Variants in INSYN2A observed in about 807,000 individuals in gnomAD.
INSYN2A encodes inhibitory synaptic factor 2A.
Under a neutral mutation model 39.4 loss-of-function variants are expected in INSYN2A, and 17 were observed. The ratio of observed to expected loss-of-function variants is 0.43; its 90% CI spans 0.30 to 0.65. The LOEUF is 0.65. Among genes scored for constraint, INSYN2A ranks in the 30% least tolerant of loss-of-function variants. INSYN2A has a pLI of 0.14. For missense variants in INSYN2A, 595 were observed against 631.2 expected (o/e 0.94, Z 0.61); for synonymous variants, 255 against 265.7 (o/e 0.96, Z 0.39).
intron 5 of INSYN2A, among the ~76,000 whole-genome samples, chr10:127,139,409 C>T (rs2051010647): frequency 1.3e-5 from 2 of 151,978 alleles, no homozygotes; most frequent in Non-Finnish European, 2.9e-5. Flanking sequence ...AAAAAAATTG[C>T]CAGAGAAGTT....
chr10:127,168,914 A>G (rs1169145394), intron 4 of INSYN2A, among the ~76,000 whole-genome samples: 1 of 152,156 alleles, frequency 6.6e-6, no homozygotes, highest in Non-Finnish European at 1.5e-5. Flanking sequence ...TGCAGTATTT[A>G]TTCTGTTTGG....
Position 127,176,082 on chromosome 10 carries a change from A to C in INSYN2A, c.314T>G (p.Val105Gly). 1 of 1,614,032 alleles carries C rather than the reference A, an allele frequency of 6.2e-7. No homozygotes were observed. The highest frequency in any genetic ancestry group is 8.5e-7 in the Non-Finnish European group (1 of 1,180,026). The change falls in exon 4 of 6, where the codon GTG (valine) becomes GGG (glycine). Residue 105 changes from valine to glycine, a missense_variant. By Grantham distance (109) the Val-to-Gly change is moderately radical (BLOSUM62 -3). This residue lies in a region of INSYN2A where 478 missense variants were observed against 467.4 expected (regional missense o/e 1.02). Transcript: ENST00000522781. The surrounding 1 kb of genome is among the most constrained non-coding windows in gnomAD (Gnocchi z 4.4). ...SIPNVTKSTG[V>G]QTSPDLKKCY... is the part of the protein sequence containing the mutation. Reference sequence around the variant, plus strand: ...CTTCTTAAGGTCGGGCGAGGTCTGCACGCCTGTGCTCTTGGTGACGTTGGG... The same window carrying C: ...CTTCTTAAGGTCGGGCGAGGTCTGCCCGCCTGTGCTCTTGGTGACGTTGGG...
rs2055177427 is a variant in INSYN2A, at chr10:127,176,516, AGG to A, written c.-5-118_-5-117del. The A allele has an allele frequency of 1.2e-6, 1 of 850,924 alleles. No individual in the cohort carries two copies. The highest frequency in any genetic ancestry group is 2.6e-5 in the East Asian group (1 of 38,234). The allele number at this position is 850,924 out of a possible 1,614,324, so 52.7% of individuals were successfully genotyped here. ...GCCTGTTTCCTAATTATATTTAAGCAGGTGAGGTCGGCCTTTATGTTAAGGAA... is the reference window on the plus strand; with the variant it reads ...GCCTGTTTCCTAATTATATTTAAGCATGAGGTCGGCCTTTATGTTAAGGAA... On this transcript the variant is annotated intron_variant, in intron 3 of 5. Coordinates refer to ENST00000522781, the MANE Select transcript of INSYN2A (RefSeq NM_001039762.3). The surrounding 1 kb of genome is among the most constrained non-coding windows in gnomAD (Gnocchi z 4.4).
At position 127,195,703 on chromosome 10, in the gene INSYN2A, G is replaced by A. The variant is rs549505883; in HGVS notation, c.-395+294C>T. ...GTCTGTCTGGAACCCACATCGCAGA[G>A]GCGCAGCCCCGCTCCTCCCTGACGT... is the stretch of plus-strand genomic sequence containing the variant. On this transcript the variant is annotated intron_variant, in intron 1 of 5. Coordinates refer to ENST00000522781, the MANE Select transcript of INSYN2A (RefSeq NM_001039762.3). Among the ~76,000 whole-genome samples, 10 of 152,190 alleles carry A rather than the reference G, an allele frequency of 6.6e-5. No homozygotes were observed. The East Asian group carries it at 1.9e-3, about 30-fold the overall frequency.
intron 2 of INSYN2A, among the ~76,000 whole-genome samples, chr10:127,177,393 G>A (rs1017918388): frequency 1.3e-5 from 2 of 152,198 alleles, no homozygotes; most frequent in African/African-American, 2.4e-5. Context: ...TTTATTAGGC[G>A]GATTCACAGC....
intron 1 of INSYN2A, among the ~76,000 whole-genome samples, chr10:127,194,218 G>A (rs574275641): frequency 6.6e-6 from 1 of 152,316 alleles, no homozygotes; most frequent in South Asian, 2.1e-4. Flanking sequence ...CATGCAATTA[G>A]TGATAGCTGT....
chr10:127,175,095 G>T lies in INSYN2A; in HGVS notation c.1184+117C>A. The T allele has an allele frequency of 1.1e-6, 1 of 886,132 alleles. No homozygotes were observed. The highest frequency in any genetic ancestry group is 1.8e-6 in the Non-Finnish European group (1 of 558,596). 54.9% of individuals were successfully genotyped at this position (886,132 alleles called of 1,614,324 possible). A position where few individuals can be genotyped will look rare whatever the true frequency, so the allele number is the denominator to read the frequency against. ...GGAGCTCGCCACGCCCTTAGACTAT[G>T]ACCTGTTTACGGAAATGCTGGCTTT... On this transcript the variant is annotated intron_variant, in intron 4 of 5. Transcript: ENST00000522781. The surrounding 1 kb of genome is among the most constrained non-coding windows in gnomAD (Gnocchi z 6.3).
chr10:127,177,950 A>T (rs1459694711), intron 2 of INSYN2A, among the ~76,000 whole-genome samples: 1 of 152,130 alleles, frequency 6.6e-6, no homozygotes, highest in Non-Finnish European at 1.5e-5. Context: ...CAGGAGCAGG[A>T]CCCTACTTTA....
chr10:127,188,637 G>C (rs1564885766), intron 2 of INSYN2A, among the ~76,000 whole-genome samples: 1 of 152,128 alleles, frequency 6.6e-6, no homozygotes, highest in East Asian at 1.9e-4. Context: ...TACGAACTGG[G>C]GCTTTGAGAC....
intron 5 of INSYN2A, among the ~76,000 whole-genome samples, chr10:127,153,492 G>A (rs2052712598): frequency 6.6e-6 from 1 of 152,160 alleles, no homozygotes; most frequent in East Asian, 1.9e-4. Flanking sequence ...CACATACGGT[G>A]TGCTTTCAAG....
chr10:127,167,202 A>G (rs756659684), intron 4 of INSYN2A, among the ~76,000 whole-genome samples: 4 of 152,242 alleles, frequency 2.6e-5, no homozygotes, highest in Non-Finnish European at 5.9e-5. Context: ...AGAAAATGAT[A>G]GAAAGAATAT....
intron 5 of INSYN2A, among the ~76,000 whole-genome samples, chr10:127,149,715 A>T (rs2052299535): frequency 6.6e-6 from 1 of 152,210 alleles, no homozygotes; most frequent in Admixed American, 6.5e-5. Flanking sequence ...ATGACATTAC[A>T]ATGTGTGAAC....
At chr10:127,184,430 T>C (rs534871136) in intron 2 of INSYN2A, among the ~76,000 whole-genome samples, 41 of 151,254 alleles carry the variant, frequency 2.7e-4, no homozygotes, top group Non-Finnish European at 5.7e-4. Flanking sequence ...GTTCCCACCC[T>C]GATCTTGGCC....
At chr10:127,169,050 A>G (rs1234577103) in intron 4 of INSYN2A, among the ~76,000 whole-genome samples, 1 of 152,166 alleles carries the variant, frequency 6.6e-6, no homozygotes, top group Non-Finnish European at 1.5e-5. Context: ...TCTAGCATCA[A>G]TATTCTAGGT....
At chr10:127,150,435 G>C (rs1192131164) in intron 5 of INSYN2A, among the ~76,000 whole-genome samples, 1 of 152,276 alleles carries the variant, frequency 6.6e-6, no homozygotes, top group Non-Finnish European at 1.5e-5. Flanking sequence ...CCAGTGCTTG[G>C]TAGTCAGATA....
At chr10:127,182,306 A>G (rs1421594706) in intron 2 of INSYN2A, among the ~76,000 whole-genome samples, 1 of 152,126 alleles carries the variant, frequency 6.6e-6, no homozygotes, top group Non-Finnish European at 1.5e-5. Context: ...ACTCTTAACG[A>G]ACAAAAAAAC....
rs1222246580 is a variant in INSYN2A, at chr10:127,147,582, G to T, written c.1256+6270C>A. Among the ~76,000 whole-genome samples the T allele has an allele frequency of 2.6e-5, 4 of 152,084 alleles. No homozygotes were observed. The South Asian group carries it at 6.2e-4, about 24-fold the overall frequency. On this transcript the variant is annotated intron_variant, in intron 5 of 5. Coordinates refer to ENST00000522781, the MANE Select transcript of INSYN2A (RefSeq NM_001039762.3). ...CCCAGGGTAAGGGGCATGCATGGAG[G>T]TGTCTTCAGCAGCTTCACACTCCTC...
intron 4 of INSYN2A, among the ~76,000 whole-genome samples, chr10:127,167,724 T>G (rs796605593): frequency 1.7e-4 from 26 of 152,226 alleles, no homozygotes; most frequent in African/African-American, 6.0e-4. Flanking sequence ...TCAGCTCCCC[T>G]GCCCGTGACA....
intron 2 of INSYN2A, among the ~76,000 whole-genome samples, chr10:127,182,775 C>T (rs2055856000): frequency 6.6e-6 from 1 of 152,060 alleles, no homozygotes; most frequent in African/African-American, 2.4e-5. Flanking sequence ...TCCCTGCCTC[C>T]CTGTTTCCCA....
Sources: gnomAD v4.1 joint callset for allele counts (sites outside exome capture counted in the v4.1 genomes callset) on GRCh38, gnomAD v4.1.1 for gene constraint, gnomAD v4.1.1 regional missense constraint, Gnocchi (gnomAD v3.1) non-coding constraint, MANE v1.5 for transcripts, NCBI Gene and HGNC (gene_info 2026-07-23, HGNC 2026-07-21) for gene names.